Variants in PDE5A observed in about 807,000 individuals in gnomAD.
PDE5A encodes cGMP-specific 3',5'-cyclic phosphodiesterase.
Under a neutral mutation model 110.2 loss-of-function variants are expected in PDE5A, and 67 were observed. The ratio of observed to expected loss-of-function variants is 0.61; its 90% CI spans 0.50 to 0.75. PDE5A has a LOEUF of 0.75. Among genes scored for constraint, PDE5A ranks in the 30% least tolerant of loss-of-function variants. The pLI is 0.00. For missense variants in PDE5A, 862 were observed against 1,045.1 expected, an observed-to-expected ratio of 0.82 and a Z score of 2.42; for synonymous variants, 328 against 351.2, an observed-to-expected ratio of 0.93 and a Z score of 0.74.
rs539084076 is a variant in PDE5A, at chr4:119,566,469, C to T, written c.903+604G>A. The stretch of plus-strand genomic sequence containing the variant: ...TAGAATGAATTTATCGACAGGTTTA[C>T]GGGCTTTTGTCCTTAAATGGAAAGC... On this transcript the variant is annotated intron_variant, in intron 4 of 20. Transcript: ENST00000354960. 4.6e-5 allele frequency among the ~76,000 whole-genome samples: 7 copies of T among 152,206 alleles called. No homozygotes were observed. In the South Asian group the frequency reaches 8.3e-4, roughly 18 times the overall value.
intron 19 of PDE5A, among the ~76,000 whole-genome samples, chr4:119,501,910 A>G (rs1259002693): frequency 6.6e-6 from 1 of 152,168 alleles, no homozygotes; most frequent in African/African-American, 2.4e-5. Flanking sequence ...CCCTTGGTGT[A>G]ATGTTTGCAG....
intron 2 of PDE5A, among the ~76,000 whole-genome samples, chr4:119,600,774 T>C (rs545778069): frequency 8.5e-5 from 13 of 152,128 alleles, no homozygotes; most frequent in Admixed American, 1.3e-4. Flanking sequence ...CTAATAAATA[T>C]AAGAGGTATG....
chr4:119,501,631 T>C (rs1725337237), intron 19 of PDE5A, among the ~76,000 whole-genome samples: 1 of 151,898 alleles, frequency 6.6e-6, no homozygotes, highest in African/African-American at 2.4e-5. Flanking sequence ...TCTAGAAAGG[T>C]GAATCAGTGG....
intron 14 of PDE5A, chr4:119,512,866 G>A (rs956143413): frequency 2.6e-5 from 4 of 152,088 alleles, no homozygotes; most frequent in African/African-American, 9.7e-5. Context: ...CTGGGCTGGA[G>A]ATATAGATTT....
chr4:119,526,493 G>A (rs1315146113), intron 11 of PDE5A, among the ~76,000 whole-genome samples: 1 of 152,138 alleles, frequency 6.6e-6, no homozygotes, highest in Non-Finnish European at 1.5e-5. Context: ...TCTGACCTTG[G>A]ACCATTTACC....
chr4:119,626,207 G>A (rs150410258), intron 1 of PDE5A, among the ~76,000 whole-genome samples: 3 of 152,238 alleles, frequency 2.0e-5, no homozygotes, highest in South Asian at 2.1e-4. Context: ...CAGTGAGCAT[G>A]GTAAATTTGA....
chr4:119,576,533 T>G (rs1454313458), intron 3 of PDE5A, among the ~76,000 whole-genome samples: 1 of 152,110 alleles, frequency 6.6e-6, no homozygotes, highest in African/African-American at 2.4e-5. Context: ...ATTAAGAAAC[T>G]CACTCAAAAC....
At position 119,539,024 on chromosome 4, in the gene PDE5A, A is replaced by G. The variant is rs371899148; in HGVS notation, c.1573-5T>C. On this transcript the variant is annotated splice_polypyrimidine_tract_variant and splice_region_variant and intron_variant, in intron 10 of 20. Coordinates refer to ENST00000354960, the MANE Select transcript of PDE5A (RefSeq NM_001083.4). Reference sequence around the variant, plus strand: ...TGAAGCATGATACGACAGAACCTACAGGGTAGGAAAAGAAGTCCAGGTTAC... The same window carrying G: ...TGAAGCATGATACGACAGAACCTACGGGGTAGGAAAAGAAGTCCAGGTTAC... The G allele has an allele frequency of 3.1e-6, 5 of 1,611,290 alleles. No individual in the cohort carries two copies. In the African/African-American group the frequency reaches 6.7e-5, roughly 22 times the overall value.
At chr4:119,517,151 G>A (rs764790608) in intron 14 of PDE5A, 1 of 152,160 alleles carries the variant, frequency 6.6e-6, no homozygotes, top group East Asian at 1.9e-4. Flanking sequence ...GAATGAATGA[G>A]GAAAATCTCA....
chr4:119,606,558 T>G, intron 2 of PDE5A, 151 bp downstream of exon 2: 1 of 605,890 alleles, frequency 1.7e-6, no homozygotes, highest in Non-Finnish European at 2.9e-6. Flanking sequence ...TTAGCATACA[T>G]TCCAGTTTTA....
chr4:119,623,849 G>T (rs62319658), intron 1 of PDE5A, among the ~76,000 whole-genome samples: 16,662 of 151,774 alleles, frequency 0.11, 1,068 homozygotes, highest in Non-Finnish European at 0.15. Flanking sequence ...TAAGCAAATC[G>T]ATTTATTTGA....
chr4:119,591,125 G>C (rs1728949604), intron 3 of PDE5A, among the ~76,000 whole-genome samples: 1 of 152,214 alleles, frequency 6.6e-6, no homozygotes, highest in Admixed American at 6.5e-5. Flanking sequence ...GTCAGGGGCT[G>C]TGTTGGGATC....
At chr4:119,540,203 G>A (rs755311120) in intron 10 of PDE5A, among the ~76,000 whole-genome samples, 1 of 152,016 alleles carries the variant, frequency 6.6e-6, no homozygotes, top group Admixed American at 6.6e-5. Flanking sequence ...TGATGAAAAG[G>A]TAGCTCATTT....
intron 7 of PDE5A, among the ~76,000 whole-genome samples, chr4:119,558,786 G>A (rs1179476975): frequency 6.6e-6 from 1 of 150,886 alleles, no homozygotes; most frequent in Non-Finnish European, 1.5e-5. Flanking sequence ...GCGTAGTGGC[G>A]GGCGCCTGTA....
At chr4:119,526,089 C>T (rs986266591) in intron 11 of PDE5A, among the ~76,000 whole-genome samples, 1 of 152,122 alleles carries the variant, frequency 6.6e-6, no homozygotes, top group South Asian at 2.1e-4. Flanking sequence ...TGCAAATCAT[C>T]TGGTAAGAAG....
intron 3 of PDE5A, among the ~76,000 whole-genome samples, chr4:119,568,582 C>T (rs1406999535): frequency 3.3e-5 from 5 of 152,136 alleles, no homozygotes; most frequent in East Asian, 1.9e-4. Context: ...AGACTTATAG[C>T]GTAGTAGGAT....
intron 1 of PDE5A, among the ~76,000 whole-genome samples, chr4:119,609,785 C>T (rs144087125): frequency 2.0e-5 from 3 of 152,104 alleles, no homozygotes; most frequent in Admixed American, 6.5e-5. Context: ...GGGTTCTCAC[C>T]ACAAAAAACG....
intron 3 of PDE5A, among the ~76,000 whole-genome samples, chr4:119,579,183 GA>G (rs1486390862): frequency 6.6e-6 from 1 of 152,008 alleles, no homozygotes; most frequent in African/African-American, 2.4e-5. Context: ...AAAAAGTCAG[GA>G]AACAACAGGT....
intron 10 of PDE5A, among the ~76,000 whole-genome samples, chr4:119,539,438 T>C (rs1055092953): frequency 1.3e-5 from 2 of 152,020 alleles, no homozygotes; most frequent in African/African-American, 4.8e-5. Context: ...ATTTTGATAT[T>C]AATATTTGGA....
Sources: gnomAD v4.1 joint callset for allele counts (sites outside exome capture counted in the v4.1 genomes callset) on GRCh38, gnomAD v4.1.1 for gene constraint, MANE v1.5 for transcripts, NCBI Gene and HGNC (gene_info 2026-07-23, HGNC 2026-07-21) for gene names.